The following LRP4 variants were observed in gnomAD, a reference collection of about 807,000 sequenced individuals.
LRP4 encodes the protein low-density lipoprotein receptor-related protein 4.
A neutral mutation model predicts 220.3 loss-of-function variants in LRP4; 95 were observed. The ratio of observed to expected loss-of-function variants is 0.43; its 90% CI spans 0.37 to 0.51. The LOEUF is 0.51. Ranked by LOEUF, LRP4 falls within the 20% of genes least tolerant of loss-of-function variation. LRP4 has a pLI of 0.00. For missense variants in LRP4, 1,925 were observed against 2,567.0 expected, an observed-to-expected ratio of 0.75 and a Z score of 5.40; for synonymous variants, 903 against 954.6, an observed-to-expected ratio of 0.95 and a Z score of 1.00.
At chr11:46,862,488 T>C in intron 37 of LRP4, 118 bp downstream of exon 37, 1 of 1,060,604 alleles carries the variant, frequency 9.4e-7, no homozygotes, top group Non-Finnish European at 1.5e-6. Flanking sequence ...TCACTATAAC[T>C]TCCAAAATGG....
chr11:46,886,802 T>C lies in LRP4; in HGVS notation c.2216-269A>G, dbSNP rs370728850. Among the ~76,000 whole-genome samples the C allele has an allele frequency of 1.1e-4, 16 of 152,334 alleles. No individual in the cohort carries two copies. The East Asian group carries it at 1.5e-3, about 15-fold the overall frequency. ...TCGGCTTCATCTCAACTTTTCTCTC[T>C]TCTTACTTTTCTCCACCTCTTCTGG... On this transcript the variant is annotated intron_variant, in intron 16 of 37. Coordinates refer to ENST00000378623, the MANE Select transcript of LRP4 (RefSeq NM_002334.4).
At chr11:46,902,732 A>C (rs1592548886) in intron 2 of LRP4, 51 bp downstream of exon 2, 1 of 1,603,248 alleles carries the variant, frequency 6.2e-7, no homozygotes, top group Non-Finnish European at 8.5e-7. Context: ...CTTGCCCCCC[A>C]CCCCCAGGTC....
In LRP4 at chr11:46,875,204, G is replaced by T; in HGVS notation, c.3926-101C>A. On this transcript the variant is annotated intron_variant, in intron 27 of 37. Coordinates refer to ENST00000378623, the MANE Select transcript of LRP4 (RefSeq NM_002334.4). This position sits in a 1 kb window ranked among gnomAD's most constrained non-coding sequence, Gnocchi z 4.5. ...TGGCTGGCTCTTTGCTGTTCTAAGT[G>T]ACAGGATTCAGTGCCTGGCAGGGTG... The T allele has an allele frequency of 7.8e-7, 1 of 1,285,090 alleles. No individual in the cohort carries two copies. The highest frequency in any genetic ancestry group is 1.1e-6 in the Non-Finnish European group (1 of 914,308). The allele number at this position is 1,285,090 out of a possible 1,614,324, so 79.6% of individuals were successfully genotyped here. A position where few individuals can be genotyped will look rare whatever the true frequency, so the allele number is the denominator to read the frequency against.
At position 46,859,029 on chromosome 11, in the gene LRP4, G is replaced by A. The variant is rs372637156; in HGVS notation, c.5672C>T (p.Thr1891Met). ...TPERRGSLPD[T>M]GWKHERKLSS... ...GAGCTTGCGTTCATGTTTCCAGCCC[G>A]TGTCTGGCAGAGAGCCTCGTCTTTC... is the stretch of plus-strand genomic sequence containing the variant. Residue 1891 changes from threonine to methionine, a missense_variant, in exon 38 of 38, where the codon ACG becomes ATG. This residue lies in a region of LRP4 where 1,244 missense variants were observed against 1,624.9 expected (regional missense o/e 0.77). Coordinates refer to ENST00000378623, the MANE Select transcript of LRP4 (RefSeq NM_002334.4). 7.3e-5 allele frequency: 118 copies of A among 1,614,020 alleles called. No homozygotes were observed. Among genetic ancestry groups the A allele is most frequent in the Non-Finnish European group, 9.4e-5 (111 of 1,180,016 alleles).
Position 46,858,557 on chromosome 11 carries a change from C to G in LRP4, c.*426G>C, listed in dbSNP as rs1940440453. 1 of 294,320 alleles carries G rather than the reference C, an allele frequency of 3.4e-6. No homozygotes were observed. Among genetic ancestry groups the G allele is most frequent in the Non-Finnish European group, 6.7e-6 (1 of 149,428 alleles). 18.2% of individuals were successfully genotyped at this position (294,320 alleles called of 1,614,324 possible). A position where few individuals can be genotyped will look rare whatever the true frequency, so the allele number is the denominator to read the frequency against. On this transcript the variant is annotated 3_prime_UTR_variant, in exon 38 of 38. Transcript: ENST00000378623. ...TACCCACACCCCCATGTCCCAGCCC[C>G]TGATGGGCAAGTTCTCTCAGAGAAG...
At chr11:46,896,383 CAA>C in intron 8 of LRP4, 48 bp from the exon 9 acceptor site, 4 of 1,606,160 alleles carry the variant, frequency 2.5e-6, no homozygotes, top group Non-Finnish European at 3.4e-6. Context: ...CTTGGGCCAA[CAA>C]AGAGATGGGA....
At chr11:46,885,251 T>G (rs1455214619) in intron 18 of LRP4, among the ~76,000 whole-genome samples, 1 of 152,070 alleles carries the variant, frequency 6.6e-6, no homozygotes, top group Non-Finnish European at 1.5e-5. Context: ...CTTGCCCTGG[T>G]CCCCCAAAGC....
chr11:46,903,686 A>C (rs1293320501), intron 1 of LRP4, among the ~76,000 whole-genome samples: 1 of 152,146 alleles, frequency 6.6e-6, no homozygotes, highest in Non-Finnish European at 1.5e-5. Flanking sequence ...TTGGCCAGGG[A>C]GGGCAAGAAC....
At chr11:46,886,214 T>G (rs1319852907) in intron 17 of LRP4, 42 bp from the exon 18 acceptor site, 1 of 1,600,922 alleles carries the variant, frequency 6.2e-7, no homozygotes, top group Non-Finnish European at 8.6e-7. Flanking sequence ...GTACTTCCAC[T>G]CTAGTTCTGG....
rs1255808635 is a variant in LRP4 at position 46,899,897 on chromosome 11, G to A, written c.396C>T (p.Asp132=). Residue 132 remains aspartate (D), a synonymous_variant, in exon 4 of 38, where the codon GAC becomes GAT. Transcript: ENST00000378623. The surrounding 1 kb of genome is among the most constrained non-coding windows in gnomAD (Gnocchi z 5.9). The stretch of plus-strand genomic sequence containing the variant: ...CATCGCTGTTGTCGCCACAGTCATT[G>A]TCACCATCGCAGTGCCACAGACTCC... ...CIRSLWHCDG[D]NDCGDNSDEQ... The A allele has an allele frequency of 6.2e-7, 1 of 1,613,882 alleles. No homozygotes were observed. The highest frequency in any genetic ancestry group is 8.5e-7 in the Non-Finnish European group (1 of 1,180,044).
chr11:46,885,628 C>T (rs547864548), intron 18 of LRP4, among the ~76,000 whole-genome samples: 26 of 152,112 alleles, frequency 1.7e-4, no homozygotes, highest in Admixed American at 1.2e-3. Context: ...AAAACTTAGC[C>T]GGGCATGGTG....
chr11:46,902,650 T>C, intron 2 of LRP4, 133 bp downstream of exon 2: 1 of 1,015,180 alleles, frequency 9.9e-7, no homozygotes, highest in South Asian at 1.4e-5. Context: ...TGTCAATATC[T>C]ATCAAGCTTG....
intron 15 of LRP4, 160 bp downstream of exon 15, chr11:46,889,784 C>T (rs909389171): frequency 1.1e-6 from 1 of 885,344 alleles, no homozygotes; most frequent in Non-Finnish European, 1.8e-6. Flanking sequence ...TGTACTGCCC[C>T]GAATGTCCAG....
chr11:46,908,836 CTTTGCAATT>C lies in LRP4; in HGVS notation c.53-5916_53-5908del, dbSNP rs540888530. ...GGGCTTCCCATAACAAATAATTATACTTTGCAATTTCTCTTTAGTTTGTGAGCTACTTTT... is the reference window on the plus strand; with the variant it reads ...GGGCTTCCCATAACAAATAATTATACTCTCTTTAGTTTGTGAGCTACTTTT... On this transcript the variant is annotated intron_variant, in intron 1 of 37. Coordinates refer to ENST00000378623, the MANE Select transcript of LRP4 (RefSeq NM_002334.4). Among the ~76,000 whole-genome samples the C allele has an allele frequency of 2.8e-3, 425 of 152,350 alleles. 1 individual carries two copies. The highest frequency in any genetic ancestry group is 9.7e-3 in the African/African-American group (402 of 41,570).
chr11:46,879,771 C>G (rs1247079618), intron 20 of LRP4, among the ~76,000 whole-genome samples: 1 of 152,144 alleles, frequency 6.6e-6, no homozygotes, highest in African/African-American at 2.4e-5. Flanking sequence ...CACTCTGAAT[C>G]CAATCACAAG....
intron 37 of LRP4, among the ~76,000 whole-genome samples, 161 bp downstream of exon 37, chr11:46,862,445 C>T (rs1016103553): frequency 2.6e-5 from 4 of 152,170 alleles, no homozygotes; most frequent in Non-Finnish European, 4.4e-5. Context: ...TCTAGAACTT[C>T]CCAGAAACCC....
Position 46,873,500 on chromosome 11 carries a change from GT to G in LRP4, c.4322del (p.Asn1441ThrfsTer25). Reference protein sequence around the residue: ...DGLAVDWVARNLYWTDTGRNT... With the variant: ...DGLAVDWVARXLYWTDTGRNT... ...TTCGACCTGTGTCTGTCCAGTACAG[GT>G]TCCTGGCCACCCAGTCCACTGCCAG... On this transcript the variant is annotated frameshift_variant, in exon 29 of 38. Coordinates refer to ENST00000378623, the MANE Select transcript of LRP4 (RefSeq NM_002334.4). LOFTEE classifies it high-confidence loss of function. This position sits in a 1 kb window ranked among gnomAD's most constrained non-coding sequence, Gnocchi z 4.2. 6.2e-7 allele frequency: 1 copy of G among 1,614,222 alleles called. No homozygotes were observed. Among genetic ancestry groups the G allele is most frequent in the Non-Finnish European group, 8.5e-7 (1 of 1,180,052 alleles).
intron 20 of LRP4, among the ~76,000 whole-genome samples, chr11:46,880,576 T>C (rs1659349624): frequency 6.6e-6 from 1 of 152,032 alleles, no homozygotes; most frequent in South Asian, 2.1e-4. Context: ...TGGGCCATGT[T>C]TGTGGCACTA....
In LRP4 at chr11:46,894,742, G is replaced by A. The variant is rs1004380675; in HGVS notation, c.1387C>T (p.Leu463=). The change falls in exon 12 of 38, where the codon CTG becomes TTG. Residue 463 remains leucine, a synonymous_variant. Transcript: ENST00000378623. ...VLPHRSEYTL[L]LNNLENAIAL... Reference sequence around the variant, plus strand: ...ATGGCATTCTCCAGGTTGTTAAGCAGCAGTGTGTACTCAGAGCGGTGTGGC... The same window carrying A: ...ATGGCATTCTCCAGGTTGTTAAGCAACAGTGTGTACTCAGAGCGGTGTGGC... 4 of 1,614,120 alleles carry A rather than the reference G, an allele frequency of 2.5e-6. No homozygotes were observed. The African/African-American group carries it at 5.3e-5, about 22-fold the overall frequency.
Sources: gnomAD v4.1 joint callset for allele counts (sites outside exome capture counted in the v4.1 genomes callset) on GRCh38, gnomAD v4.1.1 for gene constraint, gnomAD v4.1.1 regional missense constraint, Gnocchi (gnomAD v3.1) non-coding constraint, MANE v1.5 for transcripts, NCBI Gene and HGNC (gene_info 2026-07-23, HGNC 2026-07-21) for gene names.